CMC1: variants seen among roughly 807,000 people sequenced by gnomAD.
CMC1 encodes the protein C-X9-C motif containing 1.
Under a neutral mutation model 14.1 loss-of-function variants are expected in CMC1, and 14 were observed. That is an observed-to-expected ratio of 0.99 (90% CI 0.66 to 1.55). The LOEUF (loss-of-function observed/expected upper bound fraction) is 1.55, where lower values mean the gene tolerates loss of function less well. Among genes scored for constraint, CMC1 ranks in the 40% most tolerant of loss-of-function variants. The pLI, the probability that CMC1 is intolerant of heterozygous loss-of-function variation, is 0.00. For synonymous variants in CMC1, 50 were observed against 38.4 expected (o/e 1.30, Z -1.12); for missense variants, 127 against 123.8 (o/e 1.03, Z -0.12).
chr3:28,251,769 G>A (rs1029753423), intron 1 of CMC1, among the ~76,000 whole-genome samples: 10 of 152,156 alleles, frequency 6.6e-5, no homozygotes, highest in Admixed American at 2.6e-4. Flanking sequence ...GGTGGAGAGA[G>A]GCTTGAGGAA....
intron 2 of CMC1, among the ~76,000 whole-genome samples, chr3:28,296,011 G>A (rs766940701): frequency 6.6e-6 from 1 of 152,014 alleles, no homozygotes; most frequent in Non-Finnish European, 1.5e-5. Flanking sequence ...CCCTAAACCA[G>A]TTACTTTCAG....
chr3:28,250,774 T>A lies in CMC1; in HGVS notation c.19+8962T>A, dbSNP rs1468309438. Among the ~76,000 whole-genome samples the A allele has an allele frequency of 2.6e-5, 4 of 152,168 alleles. No homozygotes were observed. The South Asian group carries it at 8.3e-4, about 31-fold the overall frequency. On this transcript the variant is annotated intron_variant, in intron 1 of 3. Transcript: ENST00000466830. ...GGAGATGAGCACTGAGAACTCAGTA[T>A]CATAAACACTATCTTTAAAGGTGGA...
At position 28,323,280 on chromosome 3, in the gene CMC1, T is replaced by C. The variant is rs1050671864; in HGVS notation, c.*3651T>C. 2 of 151,272 alleles carry C rather than the reference T, an allele frequency of 1.3e-5. No individual in the cohort carries two copies. The highest frequency in any genetic ancestry group is 1.5e-5 in the Non-Finnish European group (1 of 67,284). The allele number at this position is 151,272 out of a possible 1,614,324, so 9.4% of individuals were successfully genotyped here. A position where few individuals can be genotyped will look rare whatever the true frequency, so the allele number is the denominator to read the frequency against. ...GATTAGACTGAAATCTGTGTGATGC[T>C]CCTTCTACTACTTATTGAATAGTGT... On this transcript the variant is annotated 3_prime_UTR_variant, in exon 4 of 4. Transcript: ENST00000466830.
At chr3:28,304,393 A>G (rs1419922016) in intron 2 of CMC1, among the ~76,000 whole-genome samples, 2 of 152,106 alleles carry the variant, frequency 1.3e-5, no homozygotes, top group African/African-American at 2.4e-5. Context: ...GAATATGGAT[A>G]TAAGGAACTA....
chr3:28,279,625 T>C (rs1440852124), intron 2 of CMC1, among the ~76,000 whole-genome samples: 1 of 107,904 alleles, frequency 9.3e-6, no homozygotes, highest in Non-Finnish European at 2.0e-5. Context: ...TTTGAAGTAA[T>C]AAAAAAGACC....
intron 2 of CMC1, among the ~76,000 whole-genome samples, chr3:28,310,541 A>G (rs532764321): frequency 6.6e-6 from 1 of 152,344 alleles, no homozygotes; most frequent in South Asian, 2.1e-4. Flanking sequence ...TGAAGACAGG[A>G]ATGTAGATAA....
chr3:28,253,903 G>A (rs1445581720), intron 1 of CMC1: 6 of 370,884 alleles, frequency 1.6e-5, no homozygotes, highest in Admixed American at 1.5e-4. Flanking sequence ...TAAAGACTCT[G>A]TAATATTCTT....
Position 28,316,355 on chromosome 3 carries a change from C to A in CMC1, c.132C>A (p.Asn44Lys). 6.3e-7 allele frequency: 1 copy of A among 1,577,414 alleles called. No individual in the cohort carries two copies. The highest frequency in any genetic ancestry group is 1.2e-5 in the South Asian group (1 of 84,700). Residue 44 changes from asparagine (N) to lysine (K), a missense_variant, in exon 3 of 4, where the codon AAC becomes AAA. Physicochemically the swap from Asn to Lys is moderately conservative, Grantham distance 94. Coordinates refer to ENST00000466830, the MANE Select transcript of CMC1 (RefSeq NM_182523.2). ...QVQDFTKCCK[N>K]SGVLMVVKCR... ...CAGATTTTACCAAATGTTGCAAGAACTCTGGAGTTCTTATGGTAGTAAAAT... is the reference window on the plus strand; with the variant it reads ...CAGATTTTACCAAATGTTGCAAGAAATCTGGAGTTCTTATGGTAGTAAAAT...
At chr3:28,314,800 T>G (rs960885032) in intron 2 of CMC1, among the ~76,000 whole-genome samples, 1 of 152,142 alleles carries the variant, frequency 6.6e-6, no homozygotes, top group Admixed American at 6.6e-5. Flanking sequence ...ATAAATCTCA[T>G]TTTTGGTTGC....
Position 28,244,329 on chromosome 3 carries a change from T to G in CMC1, c.19+2517T>G, listed in dbSNP as rs79519868. Among the ~76,000 whole-genome samples the G allele has an allele frequency of 2.0e-5, 3 of 152,264 alleles. No homozygotes were observed. The East Asian group carries it at 5.8e-4, about 29-fold the overall frequency. On this transcript the variant is annotated intron_variant, in intron 1 of 3. Transcript: ENST00000466830. ...GAGCAGTAGTCCAGGCCAAATATGTTTGTATCTTAGCCCAAGATGGTAATA... is the reference window on the plus strand; with the variant it reads ...GAGCAGTAGTCCAGGCCAAATATGTGTGTATCTTAGCCCAAGATGGTAATA...
At chr3:28,318,108 TAAG>T (rs554817622) in intron 3 of CMC1, 1 of 151,994 alleles carries the variant, frequency 6.6e-6, no homozygotes, top group Non-Finnish European at 1.5e-5. Flanking sequence ...CATCTTTAAA[TAAG>T]AAGGTGTTCT....
chr3:28,241,636 G>A lies in CMC1; in HGVS notation c.-158G>A. On this transcript the variant is annotated 5_prime_UTR_variant, in exon 1 of 4. Transcript: ENST00000466830. ...GAAGTAGGAGCCTGGGAAGGAAGAG[G>A]GAACGGGTCCTGGCGGTGCTTTGCA... 3 of 1,232,332 alleles carry A rather than the reference G, an allele frequency of 2.4e-6. No individual in the cohort carries two copies. The highest frequency in any genetic ancestry group is 4.3e-5 in the South Asian group (1 of 23,524). 76.3% of individuals were successfully genotyped at this position (1,232,332 alleles called of 1,614,324 possible).
intron 2 of CMC1, among the ~76,000 whole-genome samples, chr3:28,308,313 G>A (rs1329874395): frequency 6.6e-6 from 1 of 151,940 alleles, no homozygotes; most frequent in Non-Finnish European, 1.5e-5. Flanking sequence ...ATATCTTCAT[G>A]AACGGTAATA....
At chr3:28,303,616 G>C (rs1272025456) in intron 2 of CMC1, among the ~76,000 whole-genome samples, 1 of 152,080 alleles carries the variant, frequency 6.6e-6, no homozygotes, top group Non-Finnish European at 1.5e-5. Flanking sequence ...AAAGAAGTTA[G>C]ATAACAGTAA....
chr3:28,304,397 G>A lies in CMC1; in HGVS notation c.110-11936G>A, dbSNP rs559577876. ...CTGAAACCTGTGAATATGGATATAA[G>A]GAACTAACTGTCCTAGAGAATTGAA... On this transcript the variant is annotated intron_variant, in intron 2 of 3. Coordinates refer to ENST00000466830, the MANE Select transcript of CMC1 (RefSeq NM_182523.2). Among the ~76,000 whole-genome samples, 4 of 151,726 alleles carry A rather than the reference G, an allele frequency of 2.6e-5. No homozygotes were observed. In the South Asian group the frequency reaches 8.3e-4, roughly 32 times the overall value.
chr3:28,292,530 C>A (rs1701525951), intron 2 of CMC1, among the ~76,000 whole-genome samples: 1 of 152,170 alleles, frequency 6.6e-6, no homozygotes, highest in African/African-American at 2.4e-5. Flanking sequence ...TATTTAAGGT[C>A]ACCTGGGTTT....
intron 2 of CMC1, among the ~76,000 whole-genome samples, chr3:28,267,184 T>C (rs1044719799): frequency 2.6e-5 from 4 of 152,102 alleles, no homozygotes; most frequent in African/African-American, 9.7e-5. Context: ...TTAAAAAATA[T>C]TGTTTGCCGT....
At chr3:28,288,038 G>T (rs1168097236) in intron 2 of CMC1, among the ~76,000 whole-genome samples, 1 of 151,816 alleles carries the variant, frequency 6.6e-6, no homozygotes, top group Admixed American at 6.6e-5. Context: ...AGCTGCATGT[G>T]GCTTGTGGAT....
At chr3:28,275,636 C>T (rs138043513) in intron 2 of CMC1, among the ~76,000 whole-genome samples, 2 of 152,194 alleles carry the variant, frequency 1.3e-5, no homozygotes, top group East Asian at 1.9e-4. Context: ...TCTGGCTGCC[C>T]CTTGGTGCAG....
Sources: gnomAD v4.1 joint callset for allele counts (sites outside exome capture counted in the v4.1 genomes callset) on GRCh38, gnomAD v4.1.1 for gene constraint, MANE v1.5 for transcripts, NCBI Gene and HGNC (gene_info 2026-07-23, HGNC 2026-07-21) for gene names.